KCNN3: variants seen among roughly 807,000 people sequenced by gnomAD.
KCNN3 encodes small conductance calcium-activated potassium channel protein 3.
KCNN3 carries 16 observed loss-of-function variants against 62.9 expected under a neutral mutation model. The ratio of observed to expected loss-of-function variants is 0.25; its 90% CI spans 0.17 to 0.39. The LOEUF is 0.39. KCNN3 is among the 10% of genes least tolerant of loss of function. The probability of loss-of-function intolerance (pLI) is 1.00; values close to 1 mark genes in which losing one functional copy is unlikely to be tolerated. For synonymous variants in KCNN3, 370 were observed against 389.2 expected (o/e 0.95, Z 0.58); for missense variants, 599 against 949.4 (o/e 0.63, Z 4.85).
Position 154,869,472 on chromosome 1 carries a change from G to T in KCNN3, c.493C>A (p.Arg165=), listed in dbSNP as rs779450172. ...ATCTCCGTGAAGGGGTTGCTGTCCC[G>T]CCGGTGCACCAGGGGGCTGGCCTGT... ...HRQASPLVHR[R]DSNPFTEIAM... Residue 165 remains arginine (R), a synonymous_variant, in exon 1 of 8, where the codon CGG becomes AGG. Transcript: ENST00000271915. This position sits in a 1 kb window ranked among gnomAD's most constrained non-coding sequence, Gnocchi z 6.1. 1.2e-6 allele frequency: 2 copies of T among 1,614,032 alleles called. No homozygotes were observed. The highest frequency in any genetic ancestry group is 1.7e-6 in the Non-Finnish European group (2 of 1,180,014).
At chr1:154,773,638 T>A (rs187782762) in intron 2 of KCNN3, among the ~76,000 whole-genome samples, 1 of 152,352 alleles carries the variant, frequency 6.6e-6, no homozygotes, top group East Asian at 1.9e-4. Flanking sequence ...AATTGCTTGG[T>A]GTGTGGGAAC....
intron 1 of KCNN3, chr1:154,859,735 A>C: frequency 6.2e-7 from 1 of 1,614,152 alleles, no homozygotes; most frequent in Middle Eastern, 1.6e-4. Context: ...GCAAAACACC[A>C]AACAACTGTC....
intron 4 of KCNN3, among the ~76,000 whole-genome samples, 158 bp downstream of exon 4, chr1:154,732,845 C>T (rs1346856813): frequency 6.6e-6 from 1 of 152,220 alleles, no homozygotes; most frequent in Non-Finnish European, 1.5e-5. Context: ...TGCAGATTTC[C>T]CACCTGACAT....
intron 5 of KCNN3, among the ~76,000 whole-genome samples, chr1:154,717,951 T>C (rs1035448679): frequency 1.3e-5 from 2 of 152,196 alleles, no homozygotes; most frequent in African/African-American, 4.8e-5. Flanking sequence ...CGGGAGCACA[T>C]GAGGTCATGT....
chr1:154,829,367 C>T (rs759872019), intron 1 of KCNN3, among the ~76,000 whole-genome samples: 3 of 152,224 alleles, frequency 2.0e-5, no homozygotes, highest in Non-Finnish European at 4.4e-5. Context: ...GCTCCAGGAA[C>T]CTTTCCTGCC....
At chr1:154,799,474 TCCAAAGAGCGTAG>T (rs949781483) in intron 2 of KCNN3, among the ~76,000 whole-genome samples, 2 of 152,180 alleles carry the variant, frequency 1.3e-5, no homozygotes, top group Non-Finnish European at 2.9e-5. Context: ...CTGTGAACTG[TCCAAAGAGCGTAG>T]CCAGAGTCTC....
At position 154,715,599 on chromosome 1, in the gene KCNN3, CTCCT is replaced by C. The variant is rs201276367; in HGVS notation, c.1702-600_1702-597del. On this transcript the variant is annotated intron_variant, in intron 5 of 7. Transcript: ENST00000271915. ...TTTTTCTTTCTTTCTCTCTTTCTTT[CTCCT>C]TCCTTCCTTCCTTCTTTCTTTCTTC... 1.6e-4 allele frequency among the ~76,000 whole-genome samples: 23 copies of C among 146,970 alleles called. No individual in the cohort carries two copies. The East Asian group carries it at 2.4e-3, about 15-fold the overall frequency.
intron 1 of KCNN3, among the ~76,000 whole-genome samples, chr1:154,861,118 C>G (rs953672359): frequency 1.3e-5 from 2 of 152,092 alleles, no homozygotes; most frequent in African/African-American, 4.8e-5. Flanking sequence ...CCAGGTCCGG[C>G]TAATTTTCTT....
At chr1:154,857,583 C>A (rs1158826308) in intron 1 of KCNN3, among the ~76,000 whole-genome samples, 2 of 152,134 alleles carry the variant, frequency 1.3e-5, no homozygotes, top group Non-Finnish European at 2.9e-5. Flanking sequence ...CTTGAAAGAG[C>A]CCAGTCTAGG....
At chr1:154,711,986 C>T (rs61811432) in intron 7 of KCNN3, among the ~76,000 whole-genome samples, 27,175 of 126,626 alleles carry the variant, frequency 0.21, 2,823 homozygotes, top group Middle Eastern at 0.36. Context: ...GACAGGGAGA[C>T]GGAGAGGAAG....
intron 2 of KCNN3, among the ~76,000 whole-genome samples, chr1:154,776,275 C>T (rs1272667064): frequency 6.6e-6 from 1 of 152,204 alleles, no homozygotes; most frequent in African/African-American, 2.4e-5. Flanking sequence ...ACTGACTGAC[C>T]TTGGCCCTGC....
rs904164588 is a variant in KCNN3 at position 154,699,649 on chromosome 1, A to C, written c.*8327T>G. On this transcript the variant is annotated 3_prime_UTR_variant, in exon 8 of 8. Coordinates refer to ENST00000271915, the MANE Select transcript of KCNN3 (RefSeq NM_002249.6). ...TTCTTGTTGGTGCAATGAGTAAGAG[A>C]ATTGGCTTTCAAGGAGATTAGCAAT... The C allele has an allele frequency of 3.3e-5, 5 of 152,142 alleles. No homozygotes were observed. Among genetic ancestry groups the C allele is most frequent in the African/African-American group, 1.2e-4 (5 of 41,424 alleles). The allele number at this position is 152,142 out of a possible 1,614,324, so 9.4% of individuals were successfully genotyped here. A position where few individuals can be genotyped will look rare whatever the true frequency, so the allele number is the denominator to read the frequency against.
chr1:154,772,030 C>T lies in KCNN3; in HGVS notation c.1393G>A (p.Val465Met), dbSNP rs1648582353. Residue 465 changes from valine to methionine, a missense_variant, in exon 3 of 8, where the codon GTG becomes ATG. Coordinates refer to ENST00000271915, the MANE Select transcript of KCNN3 (RefSeq NM_002249.6). The surrounding 1 kb of genome is among the most constrained non-coding windows in gnomAD (Gnocchi z 5.6). Reference sequence around the variant, plus strand: ...ATGATCCACAGAGAGATGCTGAACACGAGCAGCACAGTGCCAGGGCAGATG... The same window carrying T: ...ATGATCCACAGAGAGATGCTGAACATGAGCAGCACAGTGCCAGGGCAGATG... ...MTICPGTVLLVFSISLWIIAA... is the reference protein window; with the variant it reads ...MTICPGTVLLMFSISLWIIAA... 2 of 1,614,124 alleles carry T rather than the reference C, an allele frequency of 1.2e-6. No individual in the cohort carries two copies. The highest frequency in any genetic ancestry group is 2.2e-5 in the East Asian group (1 of 44,874).
intron 1 of KCNN3, among the ~76,000 whole-genome samples, chr1:154,846,025 G>A (rs1002359969): frequency 2.6e-5 from 4 of 152,138 alleles, no homozygotes; most frequent in Non-Finnish European, 5.9e-5. Context: ...CAGCCTGCCG[G>A]TCCAAAACAG....
intron 5 of KCNN3, among the ~76,000 whole-genome samples, chr1:154,719,055 C>T (rs1700292020): frequency 6.6e-6 from 1 of 152,150 alleles, no homozygotes; most frequent in African/African-American, 2.4e-5. Context: ...CTTGCTATTA[C>T]AGAGGGGCTG....
At chr1:154,773,985 T>G (rs990030973) in intron 2 of KCNN3, among the ~76,000 whole-genome samples, 26 of 152,180 alleles carry the variant, frequency 1.7e-4, no homozygotes, top group Non-Finnish European at 1.2e-4. Flanking sequence ...GGAGCCAGAT[T>G]GCCTGATCCT....
chr1:154,744,940 AATAGT>A (rs1557953542), intron 3 of KCNN3, among the ~76,000 whole-genome samples: 2 of 151,436 alleles, frequency 1.3e-5, no homozygotes, highest in African/African-American at 4.9e-5. Context: ...AAAAAAAAAA[AATAGT>A]TCGTTCTTTT....
In KCNN3 at chr1:154,733,488, C is replaced by T. The variant is rs147531474; in HGVS notation, c.1449-344G>A. On this transcript the variant is annotated intron_variant, in intron 3 of 7. Coordinates refer to ENST00000271915, the MANE Select transcript of KCNN3 (RefSeq NM_002249.6). ...AAAATTCAAATTTTCCCTTCCAAGC[C>T]GACAGTCTAAATGTATGTGGATGTG... Among the ~76,000 whole-genome samples, 6 of 152,186 alleles carry T rather than the reference C, an allele frequency of 3.9e-5. No homozygotes were observed. The East Asian group carries it at 5.8e-4, about 15-fold the overall frequency.
intron 1 of KCNN3, among the ~76,000 whole-genome samples, chr1:154,839,589 G>T (rs1439319884): frequency 3.6e-5 from 1 of 27,894 alleles, no homozygotes; most frequent in African/African-American, 6.1e-5. Flanking sequence ...GCTGACGAAG[G>T]TTTGGCCCAG....
Sources: gnomAD v4.1 joint callset for allele counts (sites outside exome capture counted in the v4.1 genomes callset) on GRCh38, gnomAD v4.1.1 for gene constraint, Gnocchi (gnomAD v3.1) non-coding constraint, MANE v1.5 for transcripts, NCBI Gene and HGNC (gene_info 2026-07-23, HGNC 2026-07-21) for gene names.